Variants in PCSK5 observed in about 807,000 individuals in gnomAD.
PCSK5 encodes the protein prohormone convertase 5.
A neutral mutation model predicts 233.2 loss-of-function variants in PCSK5; 129 were observed. The ratio of observed to expected loss-of-function variants is 0.55; its 90% confidence interval spans 0.48 to 0.64. PCSK5 has a LOEUF of 0.64. Among genes scored for constraint, PCSK5 ranks in the 30% least tolerant of loss-of-function variants. The probability of loss-of-function intolerance (pLI) is 0.00; values close to 1 mark genes in which losing one functional copy is unlikely to be tolerated. For missense variants in PCSK5, 2,076 were observed against 2,430.1 expected, an observed-to-expected ratio of 0.85 and a Z score of 3.06; for synonymous variants, 825 against 879.2, an observed-to-expected ratio of 0.94 and a Z score of 1.09.
At chr9:75,898,579 G>T (rs1825902452) in intron 1 of PCSK5, among the ~76,000 whole-genome samples, 1 of 151,828 alleles carries the variant, frequency 6.6e-6, no homozygotes, top group Non-Finnish European at 1.5e-5. Flanking sequence ...CCTTTGATGG[G>T]CAGTCCACCA....
intron 8 of PCSK5, among the ~76,000 whole-genome samples, chr9:76,101,903 G>A (rs543863620): frequency 1.3e-5 from 2 of 152,172 alleles, no homozygotes; most frequent in South Asian, 4.1e-4. Context: ...TTTGCACTAG[G>A]TTATTCTCTG....
intron 32 of PCSK5, among the ~76,000 whole-genome samples, chr9:76,326,677 A>G (rs1365193065): frequency 6.6e-6 from 1 of 152,146 alleles, no homozygotes; most frequent in African/African-American, 2.4e-5. Flanking sequence ...GTATCCACCC[A>G]GGGAATGCTT....
intron 8 of PCSK5, among the ~76,000 whole-genome samples, chr9:76,105,189 A>T (rs1376514264): frequency 6.6e-6 from 1 of 152,224 alleles, no homozygotes; most frequent in African/African-American, 2.4e-5. Context: ...ATAATGGAAT[A>T]TACTCAGCCT....
chr9:76,273,913 G>A (rs1030429054), intron 24 of PCSK5, among the ~76,000 whole-genome samples: 2 of 149,924 alleles, frequency 1.3e-5, no homozygotes, highest in African/African-American at 2.5e-5. Context: ...CTCGCAAAGT[G>A]CTGTGATTGC....
At chr9:76,159,493 T>C (rs549707435) in intron 12 of PCSK5, among the ~76,000 whole-genome samples, 55 of 152,350 alleles carry the variant, frequency 3.6e-4, no homozygotes, top group African/African-American at 1.3e-3. Flanking sequence ...ATTAAGTATC[T>C]GTTGTCATTC....
intron 24 of PCSK5, among the ~76,000 whole-genome samples, chr9:76,249,647 C>T (rs1268295175): frequency 6.6e-6 from 1 of 151,806 alleles, no homozygotes; most frequent in Non-Finnish European, 1.5e-5. Context: ...GGGACTGGGA[C>T]AGGAAATAAA....
intron 2 of PCSK5, among the ~76,000 whole-genome samples, chr9:75,958,225 C>T (rs1253325114): frequency 1.3e-5 from 2 of 152,136 alleles, no homozygotes; most frequent in Admixed American, 1.3e-4. Context: ...ACCTACTTAG[C>T]TTTAAATGAT....
At chr9:76,236,770 C>A (rs1373301386) in intron 22 of PCSK5, among the ~76,000 whole-genome samples, 1 of 152,102 alleles carries the variant, frequency 6.6e-6, no homozygotes, top group Non-Finnish European at 1.5e-5. Flanking sequence ...TTCTTTAAAC[C>A]CAAATTATAA....
intron 13 of PCSK5, among the ~76,000 whole-genome samples, chr9:76,173,495 CCTTTTTTTTTTTTT>C (rs1215294339): frequency 5.8e-5 from 2 of 34,582 alleles, no homozygotes; most frequent in East Asian, 1.8e-3. Context: ...AGGCACGTTT[CCTTTTTTTTTTTTT>C]TTTTTTTTTT....
chr9:76,183,088 A>G (rs1823943205), intron 16 of PCSK5, among the ~76,000 whole-genome samples: 1 of 152,226 alleles, frequency 6.6e-6, no homozygotes, highest in Non-Finnish European at 1.5e-5. Flanking sequence ...AGAAGGGGGC[A>G]TAAAGAATCC....
At chr9:76,263,769 A>G (rs543463874) in intron 24 of PCSK5, among the ~76,000 whole-genome samples, 4 of 152,000 alleles carry the variant, frequency 2.6e-5, no homozygotes, top group Middle Eastern at 3.2e-3. Context: ...CCTAAAACTT[A>G]AAGTATAATA....
chr9:76,255,310 A>T (rs1826948661), intron 24 of PCSK5, among the ~76,000 whole-genome samples: 1 of 152,098 alleles, frequency 6.6e-6, no homozygotes, highest in Non-Finnish European at 1.5e-5. Flanking sequence ...AAATAATTTT[A>T]AAAAACTCCC....
chr9:75,918,201 T>C (rs900212067), intron 1 of PCSK5, among the ~76,000 whole-genome samples: 1 of 152,142 alleles, frequency 6.6e-6, no homozygotes, highest in African/African-American at 2.4e-5. Flanking sequence ...TTAATATAGA[T>C]TGGTTGGGTA....
At chr9:76,324,843 A>AT (rs1829314085) in intron 32 of PCSK5, among the ~76,000 whole-genome samples, 1 of 152,076 alleles carries the variant, frequency 6.6e-6, no homozygotes, top group South Asian at 2.1e-4. Flanking sequence ...TCACCCCCAC[A>AT]TGTCGCCCCC....
chr9:76,321,561 A>G lies in PCSK5; in HGVS notation c.4024A>G (p.Arg1342Gly), dbSNP rs1182181673. ...HGVCQENCPE[R>G]HVAVKGVCKH... ...AGTGTGCCAGGAAAACTGCCCCGAG[A>G]GGCACGTGGCTGTGAAGGGGGTATG... Residue 1342 changes from arginine to glycine, a missense_variant, in exon 31 of 38, where the codon AGG becomes GGG. Coordinates refer to ENST00000674117, the MANE Select transcript of PCSK5 (RefSeq NM_001372043.1). The G allele has an allele frequency of 5.6e-6, 9 of 1,612,520 alleles. No homozygotes were observed. The highest frequency in any genetic ancestry group is 7.6e-6 in the Non-Finnish European group (9 of 1,179,690).
chr9:76,147,883 G>C (rs912748734), intron 10 of PCSK5, among the ~76,000 whole-genome samples: 9 of 152,000 alleles, frequency 5.9e-5, no homozygotes, highest in Admixed American at 3.9e-4. Context: ...TCTGTCAATT[G>C]GACCATGACC....
rs1440554835 is a variant in PCSK5 at position 76,360,082 on chromosome 9, T to C, written c.*1160T>C. 6.6e-6 allele frequency: 1 copy of C among 152,212 alleles called. No individual in the cohort carries two copies. Among genetic ancestry groups the C allele is most frequent in the Non-Finnish European group, 1.5e-5 (1 of 68,034 alleles). 9.4% of individuals were successfully genotyped at this position (152,212 alleles called of 1,614,324 possible). The stretch of plus-strand genomic sequence containing the variant: ...CAGATTGTAACACAGAGAAGGGCTC[T>C]TGCTATGCAAAATGATGTTGGCAGG... On this transcript the variant is annotated 3_prime_UTR_variant, in exon 38 of 38. Transcript: ENST00000674117.
In PCSK5 at chr9:76,295,078, C is replaced by T. The variant is rs572507191; in HGVS notation, c.3186-197C>T. On this transcript the variant is annotated intron_variant, in intron 25 of 37. Coordinates refer to ENST00000674117, the MANE Select transcript of PCSK5 (RefSeq NM_001372043.1). Reference sequence around the variant, plus strand: ...CTGAGGCAAGAGAATCACTTGAGCCCGGGAGACAGAAGTTGCAGTGAGCCG... The same window carrying T: ...CTGAGGCAAGAGAATCACTTGAGCCTGGGAGACAGAAGTTGCAGTGAGCCG... 1.4e-4 allele frequency among the ~76,000 whole-genome samples: 22 copies of T among 151,980 alleles called. 1 individual carries two copies. Among genetic ancestry groups the T allele is most frequent in the African/African-American group, 4.6e-4 (19 of 41,340 alleles).
intron 24 of PCSK5, among the ~76,000 whole-genome samples, chr9:76,289,575 C>T (rs914197173): frequency 6.7e-6 from 1 of 149,436 alleles, no homozygotes; most frequent in African/African-American, 2.5e-5. Flanking sequence ...CATCTTTCTC[C>T]TTAAGCCACC....
Sources: allele counts gnomAD v4.1 joint callset (sites outside exome capture counted in the v4.1 genomes callset), GRCh38; gene constraint gnomAD v4.1.1; transcripts MANE v1.5; gene names NCBI Gene and HGNC (gene_info 2026-07-23, HGNC 2026-07-21).